The following WNT3 variants were observed in gnomAD, a reference collection of about 807,000 sequenced individuals.
The protein encoded by WNT3 is proto-oncogene Wnt-3.
WNT3 carries 7 observed loss-of-function variants against 34.2 expected under a neutral mutation model. The observed-to-expected ratio is 0.20, with a 90% CI of 0.12 to 0.38. WNT3 has a LOEUF of 0.38. Among genes scored for constraint, WNT3 ranks in the 10% least tolerant of loss-of-function variants. WNT3 has a pLI of 1.00. For missense variants in WNT3, 267 were observed against 499.8 expected (o/e 0.53, Z 4.44); for synonymous variants, 212 against 211.5 (o/e 1.00, Z -0.02).
intron 1 of WNT3, among the ~76,000 whole-genome samples, chr17:46,818,102 G>T (rs1021349889): frequency 2.0e-5 from 3 of 152,028 alleles, no homozygotes; most frequent in African/African-American, 7.3e-5. Context: ...GGCAGTGAAG[G>T]AACAGGATGG....
At chr17:46,774,018 C>T (rs2059395563) in intron 1 of WNT3, 109 bp from the exon 2 acceptor site, 1 of 1,470,736 alleles carries the variant, frequency 6.8e-7, no homozygotes, top group South Asian at 1.2e-5. Context: ...GGCAGAGGGC[C>T]TGTGCCCTGG....
Position 46,763,097 on chromosome 17 carries a change from G to A in WNT3, c.*1533C>T, listed in dbSNP as rs2146361287. ...GGCGGGCTCCTGGACGACCATCTTG[G>A]CAAGCCCACCTGCACCAGCTGGGAG... On this transcript the variant is annotated 3_prime_UTR_variant, in exon 5 of 5. Coordinates refer to ENST00000225512, the MANE Select transcript of WNT3 (RefSeq NM_030753.5). 1 of 152,302 alleles carries A rather than the reference G, an allele frequency of 6.6e-6. No individual in the cohort carries two copies. The highest frequency in any genetic ancestry group is 1.9e-4 in the East Asian group (1 of 5,194). 9.4% of individuals were successfully genotyped at this position (152,302 alleles called of 1,614,324 possible).
chr17:46,785,310 G>A (rs2059494785), intron 1 of WNT3, among the ~76,000 whole-genome samples: 1 of 152,200 alleles, frequency 6.6e-6, no homozygotes. Context: ...TCCTGGACCT[G>A]TCACCCTGCA....
chr17:46,781,282 C>T (rs1397069859), intron 1 of WNT3, among the ~76,000 whole-genome samples: 3 of 150,120 alleles, frequency 2.0e-5, no homozygotes, highest in African/African-American at 7.3e-5. Flanking sequence ...CAAGCTACAA[C>T]GTAGAGGAAA....
At chr17:46,798,776 G>A (rs1163183978) in intron 1 of WNT3, among the ~76,000 whole-genome samples, 3 of 152,140 alleles carry the variant, frequency 2.0e-5, no homozygotes, top group South Asian at 2.1e-4. Context: ...TAGGCTGGGC[G>A]CAGTGGCTCA....
chr17:46,781,296 G>T (rs1434975082), intron 1 of WNT3, among the ~76,000 whole-genome samples: 1 of 151,444 alleles, frequency 6.6e-6, no homozygotes, highest in South Asian at 2.1e-4. Context: ...GAGGAAACTT[G>T]AAAACAAGCT....
At chr17:46,815,192 G>A (rs898466956) in intron 1 of WNT3, among the ~76,000 whole-genome samples, 1 of 151,614 alleles carries the variant, frequency 6.6e-6, no homozygotes, top group Non-Finnish European at 1.5e-5. Context: ...CCAAGAAGAA[G>A]AAGAAAGACA....
rs377140778 is a variant in WNT3, at chr17:46,768,301, C to T, written c.*8+11G>A. 15 of 1,613,100 alleles carry T rather than the reference C, an allele frequency of 9.3e-6. No homozygotes were observed. Among genetic ancestry groups the T allele is most frequent in the South Asian group, 4.4e-5 (4 of 91,074 alleles). On this transcript the variant is annotated intron_variant, in intron 4 of 4. Coordinates refer to ENST00000225512, the MANE Select transcript of WNT3 (RefSeq NM_030753.5). The surrounding 1 kb of genome is among the most constrained non-coding windows in gnomAD (Gnocchi z 5.0). ...GGCTCCCAGCCTCCCCCCTGCTTCCCGGAGCCCTACCTGGTGCCCTACTTG... is the reference window on the plus strand; with the variant it reads ...GGCTCCCAGCCTCCCCCCTGCTTCCTGGAGCCCTACCTGGTGCCCTACTTG...
chr17:46,808,259 CT>C (rs2084222657), intron 1 of WNT3, among the ~76,000 whole-genome samples: 2 of 152,220 alleles, frequency 1.3e-5, no homozygotes, highest in African/African-American at 4.8e-5. Flanking sequence ...GCAATCCCAG[CT>C]TGAGGACAGC....
rs1339772225 is a variant in WNT3 at position 46,762,801 on chromosome 17, A to G, written c.*1829T>C. ...AATCATTACAATGCACTCATGTACT[A>G]TTATTAAATAATTACTTGTCAGCTA... is the stretch of plus-strand genomic sequence containing the variant. On this transcript the variant is annotated 3_prime_UTR_variant, in exon 5 of 5. Transcript: ENST00000225512. The G allele has an allele frequency of 6.6e-6, 1 of 152,176 alleles. No homozygotes were observed. Among genetic ancestry groups the G allele is most frequent in the Non-Finnish European group, 1.5e-5 (1 of 68,026 alleles). 9.4% of individuals were successfully genotyped at this position (152,176 alleles called of 1,614,324 possible).
intron 1 of WNT3, among the ~76,000 whole-genome samples, chr17:46,805,624 G>T (rs1193262118): frequency 6.6e-6 from 1 of 152,110 alleles, no homozygotes; most frequent in Non-Finnish European, 1.5e-5. Context: ...TATGGTGCTT[G>T]CCTGTAGTCT....
Position 46,768,764 on chromosome 17 carries a change from G to A in WNT3, c.624C>T (p.Cys208=). ...ILDHMHLKCK[C]HGLSGSCEVK... is the part of the protein sequence containing the mutation. ...CCTCACAGCTGCCCGACAGCCCGTG[G>A]CACTTGCATTTGAGGTGCATGTGGT... is the stretch of plus-strand genomic sequence containing the variant. Residue 208 remains cysteine (C), a synonymous_variant, in exon 4 of 5, where the codon TGC becomes TGT. Transcript: ENST00000225512. This position sits in a 1 kb window ranked among gnomAD's most constrained non-coding sequence, Gnocchi z 5.0. The A allele has an allele frequency of 1.2e-6, 2 of 1,614,020 alleles. No homozygotes were observed. The highest frequency in any genetic ancestry group is 1.6e-4 in the Middle Eastern group (1 of 6,062).
intron 1 of WNT3, among the ~76,000 whole-genome samples, chr17:46,806,376 A>G (rs2084197364): frequency 6.6e-6 from 1 of 151,534 alleles, no homozygotes; most frequent in African/African-American, 2.4e-5. Flanking sequence ...CGCCCGGCTA[A>G]TTTTGTATTT....
At chr17:46,793,478 G>A (rs1030781736) in intron 1 of WNT3, among the ~76,000 whole-genome samples, 1 of 151,906 alleles carries the variant, frequency 6.6e-6, no homozygotes, top group African/African-American at 2.4e-5. Context: ...TTCGAATGTT[G>A]GTGCAGATCT....
intron 1 of WNT3, among the ~76,000 whole-genome samples, chr17:46,798,939 T>G (rs535688861): frequency 6.6e-6 from 1 of 151,648 alleles, no homozygotes; most frequent in Admixed American, 6.6e-5. Flanking sequence ...TCCCAGCTAC[T>G]TAGGAGGCTG....
At chr17:46,784,025 T>C (rs2059482600) in intron 1 of WNT3, among the ~76,000 whole-genome samples, 1 of 152,050 alleles carries the variant, frequency 6.6e-6, no homozygotes, top group South Asian at 2.1e-4. Context: ...TGGGGATCCA[T>C]TGCAACCTCC....
intron 3 of WNT3, among the ~76,000 whole-genome samples, chr17:46,769,528 C>T (rs2059344839): frequency 6.6e-6 from 1 of 152,136 alleles, no homozygotes; most frequent in African/African-American, 2.4e-5. Flanking sequence ...GTGGGTGGCA[C>T]CTGATCCCAC....
At chr17:46,776,879 C>T (rs1212423833) in intron 1 of WNT3, among the ~76,000 whole-genome samples, 1 of 152,138 alleles carries the variant, frequency 6.6e-6, no homozygotes, top group African/African-American at 2.4e-5. Context: ...TGCCCTCCTC[C>T]TTCCCCTCCC....
chr17:46,762,512 G>A lies in WNT3; in HGVS notation c.*2118C>T, dbSNP rs2059278446. 1 of 151,366 alleles carries A rather than the reference G, an allele frequency of 6.6e-6. No individual in the cohort carries two copies. The highest frequency in any genetic ancestry group is 1.5e-5 in the Non-Finnish European group (1 of 67,958). 9.4% of individuals were successfully genotyped at this position (151,366 alleles called of 1,614,324 possible). ...ACAGTGTACAATGTATCCATTTTAGGTTTGTTTACCTTCTCTTTAATGACT... is the reference window on the plus strand; with the variant it reads ...ACAGTGTACAATGTATCCATTTTAGATTTGTTTACCTTCTCTTTAATGACT... On this transcript the variant is annotated 3_prime_UTR_variant, in exon 5 of 5. Coordinates refer to ENST00000225512, the MANE Select transcript of WNT3 (RefSeq NM_030753.5).
Sources: allele counts gnomAD v4.1 joint callset (sites outside exome capture counted in the v4.1 genomes callset), GRCh38; gene constraint gnomAD v4.1.1; non-coding constraint Gnocchi (gnomAD v3.1); transcripts MANE v1.5; gene names NCBI Gene and HGNC (gene_info 2026-07-23, HGNC 2026-07-21).